SNTG2: variants seen among roughly 807,000 people sequenced by gnomAD.
SNTG2 encodes syntrophin gamma 2, also known as gamma-2-syntrophin.
A neutral mutation model predicts 70.9 loss-of-function variants in SNTG2; 74 were observed. The ratio of observed to expected loss-of-function variants is 1.04; its 90% confidence interval spans 0.86 to 1.27. The LOEUF (loss-of-function observed/expected upper bound fraction) is 1.27, where lower values mean the gene tolerates loss of function less well. Among genes scored for constraint, SNTG2 ranks in the 50% most tolerant of loss-of-function variants. The pLI is 0.00. For synonymous variants in SNTG2, 278 were observed against 273.8 expected (o/e 1.02, Z -0.15); for missense variants, 717 against 690.7 (o/e 1.04, Z -0.43).
At chr2:1,050,396 G>C (rs1032368727) in intron 1 of SNTG2, among the ~76,000 whole-genome samples, 1 of 151,954 alleles carries the variant, frequency 6.6e-6, no homozygotes, top group Non-Finnish European at 1.5e-5. Context: ...TTCAAAGTTT[G>C]TTTCCTTCCT....
At chr2:1,166,765 A>G (rs976193370) in intron 7 of SNTG2, among the ~76,000 whole-genome samples, 3 of 152,192 alleles carry the variant, frequency 2.0e-5, no homozygotes, top group African/African-American at 7.2e-5. Flanking sequence ...TCCTATGCCT[A>G]TAACAACCCC....
At chr2:1,094,493 G>A (rs1183375824) in intron 2 of SNTG2, among the ~76,000 whole-genome samples, 2 of 69,910 alleles carry the variant, frequency 2.9e-5, no homozygotes, top group African/African-American at 6.6e-5. Context: ...GTCCTCATAT[G>A]GTAGAGTTAC....
At chr2:1,081,885 C>T (rs1468998040) in intron 1 of SNTG2, among the ~76,000 whole-genome samples, 1 of 152,212 alleles carries the variant, frequency 6.6e-6, no homozygotes, top group Non-Finnish European at 1.5e-5. Flanking sequence ...GTGGCCGGTC[C>T]CTGGGCTGCC....
chr2:1,112,795 G>A (rs1417229104), intron 4 of SNTG2, among the ~76,000 whole-genome samples: 4 of 151,412 alleles, frequency 2.6e-5, no homozygotes, highest in African/African-American at 9.8e-5. Flanking sequence ...TACTAAGTGA[G>A]GTTTAACCCT....
At chr2:1,165,262 C>T (rs1219702056) in intron 6 of SNTG2, among the ~76,000 whole-genome samples, 1 of 152,158 alleles carries the variant, frequency 6.6e-6, no homozygotes, top group African/African-American at 2.4e-5. Flanking sequence ...AGATTGCATT[C>T]ATAGGGATGC....
chr2:1,104,227 T>TA (rs1156444958), intron 4 of SNTG2, among the ~76,000 whole-genome samples: 3 of 152,226 alleles, frequency 2.0e-5, no homozygotes, highest in Non-Finnish European at 4.4e-5. Context: ...GCAATGTGGT[T>TA]ACGACGTTTT....
chr2:1,284,209 C>A (rs1472943629), intron 14 of SNTG2, among the ~76,000 whole-genome samples: 1 of 152,208 alleles, frequency 6.6e-6, no homozygotes, highest in African/African-American at 2.4e-5. Context: ...TCTGCTCCGT[C>A]ATTCATTTCA....
At chr2:1,046,968 T>G (rs2148069705) in intron 1 of SNTG2, among the ~76,000 whole-genome samples, 1 of 152,304 alleles carries the variant, frequency 6.6e-6, no homozygotes, top group Admixed American at 6.5e-5. Flanking sequence ...AGTTGCTTGT[T>G]CTCTTTTCTT....
intron 8 of SNTG2, among the ~76,000 whole-genome samples, chr2:1,175,987 C>A (rs1671448618): frequency 6.6e-6 from 1 of 152,174 alleles, no homozygotes; most frequent in African/African-American, 2.4e-5. Flanking sequence ...GTTCTTCAGG[C>A]TTTGGTGGAT....
At chr2:1,203,690 A>ATATGTG (rs150383929) in intron 8 of SNTG2, among the ~76,000 whole-genome samples, 1,808 of 141,236 alleles carry the variant, frequency 0.013, 16 homozygotes, top group Non-Finnish European at 0.022. Flanking sequence ...ATATATATAT[A>ATATGTG]TGTGTGTGTG....
chr2:1,177,853 A>G (rs955230831), intron 8 of SNTG2, among the ~76,000 whole-genome samples: 1 of 152,112 alleles, frequency 6.6e-6, no homozygotes, highest in Non-Finnish European at 1.5e-5. Context: ...ACATTTAAAT[A>G]ATTTCTTTTA....
At chr2:1,023,669 C>G (rs964863273) in intron 1 of SNTG2, among the ~76,000 whole-genome samples, 2 of 152,212 alleles carry the variant, frequency 1.3e-5, no homozygotes, top group Non-Finnish European at 2.9e-5. Flanking sequence ...AGGACACTCG[C>G]GTTGCCCAGC....
At chr2:1,188,422 T>TA (rs1672378332) in intron 8 of SNTG2, among the ~76,000 whole-genome samples, 1 of 152,102 alleles carries the variant, frequency 6.6e-6, no homozygotes, top group Non-Finnish European at 1.5e-5. Flanking sequence ...ATTTGCTAGG[T>TA]AAGAGTCAGA....
At chr2:1,323,214 A>G (rs1269186133) in intron 16 of SNTG2, among the ~76,000 whole-genome samples, 1 of 152,242 alleles carries the variant, frequency 6.6e-6, no homozygotes, top group Non-Finnish European at 1.5e-5. Context: ...AATCTTTTTC[A>G]TAGAGGAAAA....
chr2:1,024,134 C>T (rs1660347459), intron 1 of SNTG2, among the ~76,000 whole-genome samples: 3 of 152,028 alleles, frequency 2.0e-5, no homozygotes, highest in South Asian at 4.2e-4. Flanking sequence ...AGGGAAGCTT[C>T]GTGGCACCAC....
chr2:977,322 G>C (rs1660939223), intron 1 of SNTG2, among the ~76,000 whole-genome samples: 2 of 152,200 alleles, frequency 1.3e-5, no homozygotes, highest in African/African-American at 4.8e-5. Context: ...AAAGGTGCCT[G>C]CCTGGTAATG....
chr2:1,234,407 T>G (rs1054455533), intron 9 of SNTG2, among the ~76,000 whole-genome samples: 1 of 152,248 alleles, frequency 6.6e-6, no homozygotes, highest in Non-Finnish European at 1.5e-5. Flanking sequence ...TAATTTTTAT[T>G]GCTTTCTTTG....
At chr2:1,219,000 A>C (rs961199371) in intron 9 of SNTG2, among the ~76,000 whole-genome samples, 2 of 152,198 alleles carry the variant, frequency 1.3e-5, no homozygotes, top group Non-Finnish European at 2.9e-5. Flanking sequence ...TTCCACCCAA[A>C]TCTCATGTTG....
chr2:962,877 T>C (rs1660398796), intron 1 of SNTG2, among the ~76,000 whole-genome samples: 1 of 152,176 alleles, frequency 6.6e-6, no homozygotes, highest in Admixed American at 6.5e-5. Flanking sequence ...GTGTCATCCC[T>C]TAAATTAGAG....
Sources: allele counts gnomAD v4.1 joint callset (sites outside exome capture counted in the v4.1 genomes callset), GRCh38; gene constraint gnomAD v4.1.1; transcripts MANE v1.5; gene names NCBI Gene and HGNC (gene_info 2026-07-23, HGNC 2026-07-21).